The following MAPK8IP3 variants were observed in gnomAD, a reference collection of about 807,000 sequenced individuals.
MAPK8IP3 encodes the protein mitogen-activated protein kinase 8 interacting protein 3, also known as C-Jun-amino-terminal kinase-interacting protein 3.
A neutral mutation model predicts 157.8 loss-of-function variants in MAPK8IP3; 49 were observed. The observed-to-expected ratio is 0.31, with a 90% CI of 0.25 to 0.39. The LOEUF (loss-of-function observed/expected upper bound fraction) is 0.39, where lower values mean the gene tolerates loss of function less well. MAPK8IP3 is among the 10% of genes least tolerant of loss of function. The probability of loss-of-function intolerance (pLI) is 1.00; values close to 1 mark genes in which losing one functional copy is unlikely to be tolerated. For missense variants in MAPK8IP3, 1,478 were observed against 1,889.4 expected (o/e 0.78, Z 4.04); for synonymous variants, 897 against 777.7 (o/e 1.15, Z -2.55).
intron 10 of MAPK8IP3, 83 bp from the exon 11 acceptor site, chr16:1,759,875 C>G: frequency 3.3e-6 from 4 of 1,219,792 alleles, no homozygotes; most frequent in South Asian, 1.2e-5. Flanking sequence ...TCTTTGGAAG[C>G]GTTGTTGCCC....
intron 11 of MAPK8IP3, 47 bp from the exon 12 acceptor site, chr16:1,760,333 C>A: frequency 1.9e-6 from 3 of 1,582,530 alleles, no homozygotes; most frequent in East Asian, 2.2e-5. Context: ...CCTTCACGTA[C>A]CTGTATGCCG....
At position 1,765,193 on chromosome 16, in the gene MAPK8IP3, T is replaced by A; in HGVS notation, c.2446+15T>A. 1 of 1,580,570 alleles carries A rather than the reference T, an allele frequency of 6.3e-7. No individual in the cohort carries two copies. Among genetic ancestry groups the A allele is most frequent in the Non-Finnish European group, 8.7e-7 (1 of 1,155,798 alleles). On this transcript the variant is annotated intron_variant, in intron 20 of 31. Coordinates refer to ENST00000610761, the MANE Select transcript of MAPK8IP3 (RefSeq NM_001318852.2). ...CAGCATCCCCGGTGAGCAGCTGGAG[T>A]GGGCGTTTCCACTCGGGCGCCACTC...
intron 4 of MAPK8IP3, among the ~76,000 whole-genome samples, chr16:1,737,983 C>T (rs1360561251): frequency 7.1e-5 from 3 of 42,044 alleles, no homozygotes; most frequent in Admixed American, 3.6e-4. Context: ...TGTGACCGTC[C>T]GTGTGACCAT....
chr16:1,722,805 C>G (rs899009319), intron 1 of MAPK8IP3, among the ~76,000 whole-genome samples: 18 of 151,572 alleles, frequency 1.2e-4, no homozygotes, highest in Non-Finnish European at 2.2e-4. Flanking sequence ...CCCAGGTTCA[C>G]GCCATTCTGC....
intron 1 of MAPK8IP3, among the ~76,000 whole-genome samples, chr16:1,721,631 T>G (rs749610286): frequency 2.4e-4 from 36 of 152,184 alleles, no homozygotes; most frequent in Non-Finnish European, 4.1e-4. Context: ...CTAATTTTTT[T>G]GTAGAGACGG....
At chr16:1,720,954 C>T (rs1318295023) in intron 1 of MAPK8IP3, among the ~76,000 whole-genome samples, 1 of 149,416 alleles carries the variant, frequency 6.7e-6, no homozygotes, top group Non-Finnish European at 1.5e-5. Context: ...GAATTGCTTG[C>T]ACCCAGGGGG....
intron 8 of MAPK8IP3, among the ~76,000 whole-genome samples, chr16:1,750,443 C>G (rs1414117319): frequency 6.6e-6 from 1 of 152,104 alleles, no homozygotes; most frequent in Non-Finnish European, 1.5e-5. Flanking sequence ...GAACTCCTGA[C>G]CTCCGGTGAT....
chr16:1,729,098 A>C (rs566902430), intron 2 of MAPK8IP3, 40 bp from the exon 3 acceptor site: 1 of 1,583,784 alleles, frequency 6.3e-7, no homozygotes, highest in African/African-American at 1.3e-5. Context: ...GGCCATGGAG[A>C]AGCGTCTTGT....
intron 1 of MAPK8IP3, among the ~76,000 whole-genome samples, chr16:1,721,453 A>G (rs1361269946): frequency 6.6e-6 from 1 of 151,828 alleles, no homozygotes; most frequent in Non-Finnish European, 1.5e-5. Flanking sequence ...CTTTTTTTTT[A>G]GAGAGAGGAT....
chr16:1,767,962 G>A (rs766206687), intron 28 of MAPK8IP3, 44 bp downstream of exon 28: 7 of 1,606,840 alleles, frequency 4.4e-6, no homozygotes, highest in Non-Finnish European at 4.2e-6. Flanking sequence ...GCTGCCAGAG[G>A]TGTACGTGGG....
intron 4 of MAPK8IP3, among the ~76,000 whole-genome samples, chr16:1,738,038 G>C (rs1478366885): frequency 4.7e-5 from 4 of 85,894 alleles, no homozygotes; most frequent in Admixed American, 1.3e-4. Context: ...ATCCGTGTGA[G>C]CGTGTGACCG....
intron 4 of MAPK8IP3, among the ~76,000 whole-genome samples, chr16:1,736,575 C>T (rs1158384909): frequency 1.8e-4 from 11 of 62,144 alleles, no homozygotes; most frequent in Admixed American, 6.0e-4. Flanking sequence ...TGTGACCGTC[C>T]GTGTGAGCGT....
intron 1 of MAPK8IP3, among the ~76,000 whole-genome samples, chr16:1,712,446 C>T (rs1014107556): frequency 6.6e-6 from 1 of 152,136 alleles, no homozygotes; most frequent in African/African-American, 2.4e-5. Flanking sequence ...GGTCTCCCGG[C>T]CACTCCCACC....
intron 1 of MAPK8IP3, among the ~76,000 whole-genome samples, chr16:1,723,137 C>T (rs1383041377): frequency 6.6e-6 from 1 of 151,796 alleles, no homozygotes; most frequent in South Asian, 2.1e-4. Context: ...CAGGTTCAAG[C>T]GATTCTCCGC....
intron 8 of MAPK8IP3, among the ~76,000 whole-genome samples, chr16:1,750,598 G>A (rs1436664280): frequency 1.3e-5 from 2 of 151,076 alleles, no homozygotes; most frequent in Non-Finnish European, 2.9e-5. Flanking sequence ...ATCAGCAAAT[G>A]CCAAGAAGAG....
Position 1,737,583 on chromosome 16 carries a change from C to CGT in MAPK8IP3, c.603-5747_603-5746dup, listed in dbSNP as rs200096041. ...CCATGTGAGCATCTGTGTGACCGTC[C>CGT]GTGAGCATCCGTGTGAGCGTGTGAC... On this transcript the variant is annotated intron_variant, in intron 4 of 31. Coordinates refer to ENST00000610761, the MANE Select transcript of MAPK8IP3 (RefSeq NM_001318852.2). Among the ~76,000 whole-genome samples, 322 of 64,144 alleles carry CGT rather than the reference C, an allele frequency of 5.0e-3. 10 individuals carry two copies. The highest frequency in any genetic ancestry group is 0.019 in the African/African-American group (264 of 14,222). The allele number at this position is 64,144 out of a possible 152,430, so 42.1% of individuals were successfully genotyped here.
At chr16:1,763,925 T>C in intron 17 of MAPK8IP3, 142 bp downstream of exon 17, 4 of 1,066,674 alleles carry the variant, frequency 3.7e-6, no homozygotes, top group Non-Finnish European at 5.2e-6. Flanking sequence ...GCCTGGCAGG[T>C]TCCTAGTGAG....
At chr16:1,714,487 G>A (rs750121810) in intron 1 of MAPK8IP3, among the ~76,000 whole-genome samples, 7 of 148,250 alleles carry the variant, frequency 4.7e-5, no homozygotes, top group African/African-American at 8.0e-5. Context: ...CGTGTGGTGC[G>A]TTTCTCACAC....
At chr16:1,707,528 A>C (rs184417459) in intron 1 of MAPK8IP3, 4 of 152,276 alleles carry the variant, frequency 2.6e-5, no homozygotes, top group Admixed American at 2.0e-4. Context: ...TGAAGCAGTT[A>C]CAAGAGCCGG....
Sources: gnomAD v4.1 joint callset for allele counts (sites outside exome capture counted in the v4.1 genomes callset) on GRCh38, gnomAD v4.1.1 for gene constraint, MANE v1.5 for transcripts, NCBI Gene and HGNC (gene_info 2026-07-23, HGNC 2026-07-21) for gene names.